The following RAD9B variants were observed in gnomAD, a reference collection of about 807,000 sequenced individuals.
RAD9B encodes cell cycle checkpoint control protein RAD9B.
Under a neutral mutation model 48.3 loss-of-function variants are expected in RAD9B, and 41 were observed. That is an observed-to-expected ratio of 0.85 (90% CI 0.66 to 1.10). The LOEUF (loss-of-function observed/expected upper bound fraction) is 1.10, where lower values mean the gene tolerates loss of function less well. Among genes scored for constraint, RAD9B ranks in the 50% least tolerant of loss-of-function variants. The probability of loss-of-function intolerance (pLI) is 0.00; values close to 1 mark genes in which losing one functional copy is unlikely to be tolerated. For missense variants in RAD9B, 444 were observed against 485.1 expected (o/e 0.92, Z 0.80); for synonymous variants, 160 against 157.9 (o/e 1.01, Z -0.10).
Position 110,531,555 on chromosome 12 carries a change from GTGATT to G in RAD9B, c.*904_*908del, listed in dbSNP as rs771972049. The G allele has an allele frequency of 6.7e-7, 1 of 1,498,202 alleles. No homozygotes were observed. The highest frequency in any genetic ancestry group is 9.3e-7 in the Non-Finnish European group (1 of 1,079,796). The allele number at this position is 1,498,202 out of a possible 1,614,324, so 92.8% of individuals were successfully genotyped here. On this transcript the variant is annotated 3_prime_UTR_variant, in exon 11 of 11. Transcript: ENST00000409300. ...CCTCAAATTGTTCTGATTTTCAGAT[GTGATT>G]TTTTATTTTGCAGTGTGCTGCAGGA...
chr12:110,525,735 G>A (rs928794238), intron 10 of RAD9B, among the ~76,000 whole-genome samples: 37 of 152,114 alleles, frequency 2.4e-4, no homozygotes, highest in African/African-American at 8.5e-4. Flanking sequence ...CTGTTGCCTA[G>A]GCTGGAGTGC....
intron 9 of RAD9B, among the ~76,000 whole-genome samples, chr12:110,520,216 T>TTGC (rs1416728746): frequency 6.6e-6 from 1 of 152,146 alleles, no homozygotes; most frequent in Non-Finnish European, 1.5e-5. Context: ...GTTGTTGTTG[T>TTGC]TATTGTTTTA....
chr12:110,528,294 A>C (rs2064009027), intron 10 of RAD9B, among the ~76,000 whole-genome samples: 1 of 152,120 alleles, frequency 6.6e-6, no homozygotes, highest in Non-Finnish European at 1.5e-5. Flanking sequence ...AACTAGCAGG[A>C]CTTGGTGATG....
intron 2 of RAD9B, 69 bp from the exon 3 acceptor site, chr12:110,505,548 T>C: frequency 7.3e-7 from 1 of 1,369,196 alleles, no homozygotes; most frequent in Non-Finnish European, 9.6e-7. Context: ...CCCAAAGTGC[T>C]TGGATTACAG....
At chr12:110,509,958 T>A (rs1037943965) in intron 4 of RAD9B, among the ~76,000 whole-genome samples, 1 of 152,200 alleles carries the variant, frequency 6.6e-6, no homozygotes, top group African/African-American at 2.4e-5. Flanking sequence ...AAAAGTAACT[T>A]GAAAATATTT....
intron 6 of RAD9B, 26 bp from the exon 7 acceptor site, chr12:110,518,650 C>A (rs1278223732): frequency 2.5e-5 from 37 of 1,466,188 alleles, no homozygotes; most frequent in Non-Finnish European, 3.4e-5. Context: ...TAATTTTATT[C>A]TTTATTTTCC....
At chr12:110,528,058 G>A (rs1295838378) in intron 10 of RAD9B, among the ~76,000 whole-genome samples, 3 of 152,160 alleles carry the variant, frequency 2.0e-5, no homozygotes, top group Non-Finnish European at 4.4e-5. Context: ...GGAGAGTCCT[G>A]GAAGCTGTGC....
chr12:110,505,430 T>G (rs1206767776), intron 2 of RAD9B, among the ~76,000 whole-genome samples, 187 bp from the exon 3 acceptor site: 1 of 152,146 alleles, frequency 6.6e-6, no homozygotes. Context: ...AAAGAAAGTT[T>G]ATTTTCTCCT....
rs2064162804 is a variant in RAD9B at position 110,532,336 on chromosome 12, T to C, written c.*1683T>C. 6.6e-6 allele frequency among the ~76,000 whole-genome samples: 1 copy of C among 152,238 alleles called. No homozygotes were observed. The highest frequency in any genetic ancestry group is 2.4e-5 in the African/African-American group (1 of 41,450). ...AGGATAACATTTCTGGTTCATTCATTGAAGTAGGCAGAGGGGTTTAGGTCT... is the reference window on the plus strand; with the variant it reads ...AGGATAACATTTCTGGTTCATTCATCGAAGTAGGCAGAGGGGTTTAGGTCT... On this transcript the variant is annotated 3_prime_UTR_variant, in exon 11 of 11. Transcript: ENST00000409300.
At chr12:110,520,325 A>T (rs147652793) in intron 9 of RAD9B, among the ~76,000 whole-genome samples, 2 of 152,136 alleles carry the variant, frequency 1.3e-5, no homozygotes, top group African/African-American at 4.8e-5. Context: ...CTCCCACCTC[A>T]GCCTCCCAAG....
chr12:110,510,209 T>A (rs2063419262), intron 4 of RAD9B, among the ~76,000 whole-genome samples: 1 of 152,202 alleles, frequency 6.6e-6, no homozygotes, highest in African/African-American at 2.4e-5. Context: ...TGCCTACTGT[T>A]TTATTCATTT....
chr12:110,515,810 A>G (rs1293341560), intron 6 of RAD9B, among the ~76,000 whole-genome samples: 2 of 152,182 alleles, frequency 1.3e-5, no homozygotes, highest in Non-Finnish European at 2.9e-5. Flanking sequence ...CCAGGGCTTA[A>G]GTTGGGTCAC....
chr12:110,506,773 T>G, intron 4 of RAD9B, 80 bp downstream of exon 4: 2 of 727,014 alleles, frequency 2.8e-6, no homozygotes, highest in Non-Finnish European at 4.8e-6. Flanking sequence ...ATATTTCATG[T>G]CAAGATTTCT....
Position 110,531,098 on chromosome 12 carries a change from A to T in RAD9B, c.*445A>T, listed in dbSNP as rs754748839. The T allele has an allele frequency of 3.0e-6, 3 of 996,148 alleles. No homozygotes were observed. Among genetic ancestry groups the T allele is most frequent in the Non-Finnish European group, 3.6e-6 (3 of 836,910 alleles). The allele number at this position is 996,148 out of a possible 1,614,324, so 61.7% of individuals were successfully genotyped here. On this transcript the variant is annotated 3_prime_UTR_variant, in exon 11 of 11. Coordinates refer to ENST00000409300, the MANE Select transcript of RAD9B (RefSeq NM_001286535.2). The stretch of plus-strand genomic sequence containing the variant: ...CATTTGGATTTTAGTTTTCTCATGT[A>T]ATACCATGGCCTTTTTTGTGCATTG...
chr12:110,529,758 A>C (rs1226553318), intron 10 of RAD9B, among the ~76,000 whole-genome samples: 2 of 152,222 alleles, frequency 1.3e-5, no homozygotes, highest in African/African-American at 4.8e-5. Flanking sequence ...AAAAAGGTGA[A>C]GATGAGAGGC....
At chr12:110,516,941 A>C (rs924440531) in intron 6 of RAD9B, among the ~76,000 whole-genome samples, 3 of 152,206 alleles carry the variant, frequency 2.0e-5, no homozygotes, top group African/African-American at 7.2e-5. Context: ...ATATCCCACT[A>C]TACAGAGATA....
chr12:110,528,169 T>C (rs1593118033), intron 10 of RAD9B, among the ~76,000 whole-genome samples: 1 of 152,168 alleles, frequency 6.6e-6, no homozygotes, highest in African/African-American at 2.4e-5. Context: ...GAAAGTGTTA[T>C]ATGAAAAACG....
intron 8 of RAD9B, among the ~76,000 whole-genome samples, 196 bp from the exon 9 acceptor site, chr12:110,519,597 AT>A (rs796781912): frequency 2.7e-5 from 4 of 147,646 alleles, no homozygotes; most frequent in Admixed American, 6.8e-5. Flanking sequence ...TGCCCGGCTA[AT>A]TTTTTTTTTG....
intron 10 of RAD9B, 71 bp downstream of exon 10, chr12:110,522,482 C>A: frequency 9.9e-7 from 1 of 1,015,176 alleles, no homozygotes; most frequent in Non-Finnish European, 1.5e-6. Flanking sequence ...GTCTTCCTCC[C>A]CAATCCCCAC....
Sources: gnomAD v4.1 joint callset for allele counts (sites outside exome capture counted in the v4.1 genomes callset) on GRCh38, gnomAD v4.1.1 for gene constraint, MANE v1.5 for transcripts, NCBI Gene and HGNC (gene_info 2026-07-23, HGNC 2026-07-21) for gene names.